GABRB3: variants seen among roughly 807,000 people sequenced by gnomAD.
GABRB3 encodes the protein gamma-aminobutyric acid type A receptor subunit beta3.
GABRB3 carries 14 observed loss-of-function variants against 52.1 expected under a neutral mutation model. That is an observed-to-expected ratio of 0.27 (90% CI 0.18 to 0.42). The LOEUF (loss-of-function observed/expected upper bound fraction) is 0.42. Ranked by LOEUF, GABRB3 falls within the 10% of genes least tolerant of loss-of-function variation. GABRB3 has a pLI of 1.00. For synonymous variants in GABRB3, 260 were observed against 232.3 expected (o/e 1.12, Z -1.08); for missense variants, 307 against 609.1 (o/e 0.50, Z 5.22).
At chr15:26,654,436 G>T (rs868292240) in intron 3 of GABRB3, among the ~76,000 whole-genome samples, 1 of 148,502 alleles carries the variant, frequency 6.7e-6, no homozygotes, top group Non-Finnish European at 1.5e-5. Flanking sequence ...GTGAGCCACC[G>T]CACCCAGCCA....
intron 8 of GABRB3, among the ~76,000 whole-genome samples, chr15:26,556,878 C>A (rs1226048178): frequency 6.6e-6 from 1 of 152,082 alleles, no homozygotes; most frequent in African/African-American, 2.4e-5. Context: ...TCAAGAAAGA[C>A]AATGACAAGC....
At chr15:26,662,920 A>C (rs1887594346) in intron 3 of GABRB3, among the ~76,000 whole-genome samples, 1 of 152,244 alleles carries the variant, frequency 6.6e-6, no homozygotes, top group Non-Finnish European at 1.5e-5. Flanking sequence ...TTAAAAGCCC[A>C]GGATGGTTCC....
In GABRB3 at chr15:26,545,134, AAC is replaced by A. The variant is rs1404913869; in HGVS notation, c.*2657_*2658del. ...TTTTCTTCTGAAATGGAGTAAAGCA[AAC>A]ACATACCCAAGGATCTTAAAAAGTT... is the stretch of plus-strand genomic sequence containing the variant. On this transcript the variant is annotated 3_prime_UTR_variant, in exon 9 of 9. Coordinates refer to ENST00000311550, the MANE Select transcript of GABRB3 (RefSeq NM_000814.6). The A allele has an allele frequency of 6.6e-6, 1 of 152,612 alleles. No homozygotes were observed. The highest frequency in any genetic ancestry group is 2.4e-5 in the African/African-American group (1 of 41,452). The allele number at this position is 152,612 out of a possible 1,614,324, so 9.5% of individuals were successfully genotyped here. A position where few individuals can be genotyped will look rare whatever the true frequency, so the allele number is the denominator to read the frequency against.
chr15:26,750,453 T>C (rs1278633373), intron 3 of GABRB3, among the ~76,000 whole-genome samples: 2 of 152,174 alleles, frequency 1.3e-5, no homozygotes, highest in Non-Finnish European at 2.9e-5. Flanking sequence ...ATGTCAATTT[T>C]TTTGTTAGGA....
At chr15:26,671,615 C>T (rs57482694) in intron 3 of GABRB3, among the ~76,000 whole-genome samples, 9 of 152,246 alleles carry the variant, frequency 5.9e-5, no homozygotes, top group African/African-American at 2.2e-4. Context: ...ATGGATGAGT[C>T]GTATTAAAGA....
intron 3 of GABRB3, among the ~76,000 whole-genome samples, chr15:26,756,777 T>A (rs1890675182): frequency 6.6e-6 from 1 of 152,224 alleles, no homozygotes; most frequent in East Asian, 1.9e-4. Context: ...TCTGCCTCAC[T>A]TCTTTCCACT....
In GABRB3 at chr15:26,669,096, C is replaced by T. The variant is rs112859898; in HGVS notation, c.241-47562G>A. Among the ~76,000 whole-genome samples the T allele has an allele frequency of 2.1e-3, 320 of 152,286 alleles. 1 individual carries two copies. The highest frequency in any genetic ancestry group is 7.1e-3 in the African/African-American group (296 of 41,556). Reference sequence around the variant, plus strand: ...ACTGCTTTCCATAAACAGCCCCACACTCCGTCTATCTGTCTGTTTCCCTCT... The same window carrying T: ...ACTGCTTTCCATAAACAGCCCCACATTCCGTCTATCTGTCTGTTTCCCTCT... On this transcript the variant is annotated intron_variant, in intron 3 of 8. Coordinates refer to ENST00000311550, the MANE Select transcript of GABRB3 (RefSeq NM_000814.6).
chr15:26,611,232 A>C (rs967308818), intron 4 of GABRB3, among the ~76,000 whole-genome samples: 11 of 152,322 alleles, frequency 7.2e-5, no homozygotes, highest in Admixed American at 2.0e-4. Flanking sequence ...AAATAGAATA[A>C]ATCCTTGTAG....
At chr15:26,717,840 A>T (rs958754441) in intron 3 of GABRB3, among the ~76,000 whole-genome samples, 80 of 152,344 alleles carry the variant, frequency 5.3e-4, no homozygotes, top group African/African-American at 1.8e-3. Flanking sequence ...GCTGTAACAA[A>T]TCCAAGCATT....
chr15:26,768,610 C>G (rs549375099), intron 3 of GABRB3, among the ~76,000 whole-genome samples: 286 of 152,210 alleles, frequency 1.9e-3, no homozygotes, highest in African/African-American at 6.7e-3. Context: ...ATAACACACA[C>G]AGTAATTTTC....
chr15:26,639,879 C>G (rs991663257), intron 3 of GABRB3, among the ~76,000 whole-genome samples: 1 of 152,150 alleles, frequency 6.6e-6, no homozygotes, highest in African/African-American at 2.4e-5. Flanking sequence ...ACATATCAGG[C>G]AGGCAGATGG....
chr15:26,599,941 C>T (rs966914766), intron 4 of GABRB3, among the ~76,000 whole-genome samples: 5 of 151,722 alleles, frequency 3.3e-5, no homozygotes, highest in Non-Finnish European at 5.9e-5. Context: ...GAATAATATT[C>T]AGAAAGAAGT....
chr15:26,724,839 C>T (rs915881327), intron 3 of GABRB3, among the ~76,000 whole-genome samples: 1 of 152,164 alleles, frequency 6.6e-6, no homozygotes, highest in African/African-American at 2.4e-5. Context: ...CCTTTGCCCC[C>T]CCTCAAAGTA....
chr15:26,577,686 T>C (rs1029253679), intron 6 of GABRB3, among the ~76,000 whole-genome samples: 2 of 152,212 alleles, frequency 1.3e-5, no homozygotes, highest in African/African-American at 4.8e-5. Flanking sequence ...TGTAGGTCAA[T>C]GGACAGGGTC....
intron 3 of GABRB3, among the ~76,000 whole-genome samples, chr15:26,705,107 T>C (rs766587490): frequency 7.9e-5 from 12 of 152,210 alleles, no homozygotes; most frequent in Non-Finnish European, 1.8e-4. Flanking sequence ...ACAGAATGCC[T>C]GAGACTAGAT....
intron 3 of GABRB3, among the ~76,000 whole-genome samples, chr15:26,748,325 C>G (rs1890406885): frequency 1.3e-5 from 2 of 152,152 alleles, no homozygotes; most frequent in South Asian, 2.1e-4. Context: ...ATAGAATTCT[C>G]CAGCGAAATT....
At chr15:26,575,537 T>G (rs1244910132) in intron 6 of GABRB3, among the ~76,000 whole-genome samples, 1 of 152,220 alleles carries the variant, frequency 6.6e-6, no homozygotes, top group Non-Finnish European at 1.5e-5. Flanking sequence ...AGATAGTATT[T>G]ATAGACTGAA....
chr15:26,616,104 T>C (rs145507715), intron 4 of GABRB3: 3 of 1,284,558 alleles, frequency 2.3e-6, no homozygotes, highest in East Asian at 1.1e-4. Context: ...TTACACACAC[T>C]GGCCCACTCC....
intron 4 of GABRB3, chr15:26,612,867 A>T (rs1892121770): frequency 6.6e-6 from 1 of 152,238 alleles, no homozygotes; most frequent in African/African-American, 2.4e-5. Flanking sequence ...TAATCCCAGC[A>T]TTTTGGGAGT....
Sources: allele counts gnomAD v4.1 joint callset (sites outside exome capture counted in the v4.1 genomes callset), GRCh38; gene constraint gnomAD v4.1.1; transcripts MANE v1.5; gene names NCBI Gene and HGNC (gene_info 2026-07-23, HGNC 2026-07-21).